CPS1: variants seen among roughly 807,000 people sequenced by gnomAD.
The protein encoded by CPS1 is carbamoyl-phosphate synthase [ammonia], mitochondrial.
A neutral mutation model predicts 174.6 loss-of-function variants in CPS1; 109 were observed. That is an observed-to-expected ratio of 0.62 (90% CI 0.53 to 0.73). The LOEUF is 0.73. CPS1 is among the 30% of genes least tolerant of loss of function. The probability of loss-of-function intolerance (pLI) is 0.00; values close to 1 mark genes in which losing one functional copy is unlikely to be tolerated. For synonymous variants in CPS1, 637 were observed against 632.0 expected, an observed-to-expected ratio of 1.01 and a Z score of -0.12; for missense variants, 1,689 against 1,821.9, an observed-to-expected ratio of 0.93 and a Z score of 1.33.
upstream of CPS1, among the ~76,000 whole-genome samples, chr2:210,554,985 C>T (rs1199732928): frequency 2.6e-5 from 4 of 151,820 alleles, no homozygotes; most frequent in East Asian, 5.8e-4. Context: ...TTTCATTCTC[C>T]TCCAATTCAT....
rs149875012 is a variant in CPS1, at chr2:210,590,211, C to G, written c.817C>G (p.Pro273Ala). 9 of 1,612,680 alleles carry G rather than the reference C, an allele frequency of 5.6e-6. No homozygotes were observed. The African/African-American group carries it at 9.4e-5, about 17-fold the overall frequency. Residue 273 changes from proline (P) to alanine (A), a missense_variant, in exon 8 of 38, where the codon CCA (proline) becomes GCA (alanine). Coordinates refer to ENST00000233072, the MANE Select transcript of CPS1 (RefSeq NM_001875.5). ...ACCGGGGAACCCAGCTCTTGCAGAA[C>G]CACTAATTCAGAATGTCAGAAAGGT... is the stretch of plus-strand genomic sequence containing the variant. ...GGPGNPALAE[P>A]LIQNVRKILE... is the part of the protein sequence containing the mutation.
chr2:210,639,545 G>C (rs902627614), intron 23 of CPS1, among the ~76,000 whole-genome samples: 7 of 147,706 alleles, frequency 4.7e-5, no homozygotes, highest in Non-Finnish European at 7.4e-5. Context: ...CCGGGAAGCG[G>C]AGCTTGCAGT....
Position 210,647,970 on chromosome 2 carries a change from C to A in CPS1, c.3249C>A (p.Ile1083=), listed in dbSNP as rs751008875. 1.2e-6 allele frequency: 2 copies of A among 1,614,012 alleles called. No individual in the cohort carries two copies. Among genetic ancestry groups the A allele is most frequent in the South Asian group, 2.2e-5 (2 of 91,076 alleles). Residue 1083 remains isoleucine (I), a synonymous_variant, in exon 26 of 38, where the codon ATC becomes ATA. Coordinates refer to ENST00000233072, the MANE Select transcript of CPS1 (RefSeq NM_001875.5). ...TCATGGGCACAAGCCCCCTGCAGAT[C>A]GACAGGGCTGAGGATCGCTCCATCT... The part of the protein sequence containing the change: ...VKIMGTSPLQ[I]DRAEDRSIFS...
chr2:210,554,245 ATATACACACACATATATATATG>A (rs1559073576), upstream of CPS1, among the ~76,000 whole-genome samples: 3 of 148,376 alleles, frequency 2.0e-5, no homozygotes, highest in Non-Finnish European at 4.5e-5. Flanking sequence ...GTATGTATAT[ATATACACACACATATATATATG>A]TATGTATATA....
chr2:210,573,749 C>T (rs140133117), intron 2 of CPS1, among the ~76,000 whole-genome samples: 2,427 of 152,010 alleles, frequency 0.016, 52 homozygotes, highest in African/African-American at 0.055. Flanking sequence ...AGGTGAAAAT[C>T]GGAGCAAGGA....
chr2:210,577,022 A>G, intron 3 of CPS1: 2 of 283,390 alleles, frequency 7.1e-6, no homozygotes, highest in Non-Finnish European at 1.4e-5. Flanking sequence ...AATGACTTCA[A>G]CTGATCATTT....
At chr2:210,658,953 A>G (rs1559132062) in intron 31 of CPS1, among the ~76,000 whole-genome samples, 2 of 152,198 alleles carry the variant, frequency 1.3e-5, no homozygotes, top group South Asian at 4.1e-4. Flanking sequence ...CACCTACAGT[A>G]TAGTATAGAT....
intron 10 of CPS1, 123 bp from the exon 11 acceptor site, chr2:210,592,756 A>G: frequency 1.1e-6 from 1 of 897,730 alleles, no homozygotes; most frequent in Non-Finnish European, 1.9e-6. Context: ...TTAGTTACAA[A>G]AATTTTGTTA....
intron 6 of CPS1, among the ~76,000 whole-genome samples, chr2:210,584,211 T>C (rs1351574246): frequency 6.6e-6 from 1 of 152,102 alleles, no homozygotes; most frequent in Non-Finnish European, 1.5e-5. Context: ...TTGGTTACCA[T>C]GGGGCTTTAC....
At chr2:210,587,511 C>T (rs959423128) in intron 6 of CPS1, among the ~76,000 whole-genome samples, 9 of 152,024 alleles carry the variant, frequency 5.9e-5, no homozygotes, top group Admixed American at 1.3e-4. Context: ...AACAATTGCA[C>T]GGCAACCTAA....
Position 210,640,056 on chromosome 2 carries a change from A to G in CPS1, c.2956A>G (p.Ile986Val). The G allele has an allele frequency of 6.3e-7, 1 of 1,588,992 alleles. No individual in the cohort carries two copies. The highest frequency in any genetic ancestry group is 8.6e-7 in the Non-Finnish European group (1 of 1,157,914). Residue 986 changes from isoleucine to valine, a missense_variant, in exon 24 of 38, where the codon ATT (isoleucine) becomes GTT (valine). By Grantham distance (29) the Ile-to-Val change is conservative. Coordinates refer to ENST00000233072, the MANE Select transcript of CPS1 (RefSeq NM_001875.5). ...MMVLGCGPYHIGSSVEFDWCA... is the reference protein window; with the variant it reads ...MMVLGCGPYHVGSSVEFDWCA... ...GGTGCTAGGCTGTGGTCCATATCAC[A>G]TTGGTAAAATAATAAATTATGTGTA...
At chr2:210,534,901 C>T (rs753185260) in intron 1 of CPS1, among the ~76,000 whole-genome samples, 2 of 152,104 alleles carry the variant, frequency 1.3e-5, no homozygotes, top group Non-Finnish European at 2.9e-5. Flanking sequence ...TTCCTTGGGT[C>T]TTCTTTGGTC....
At chr2:210,538,765 T>C (rs539173228) in intron 1 of CPS1, among the ~76,000 whole-genome samples, 1 of 152,278 alleles carries the variant, frequency 6.6e-6, no homozygotes. Context: ...ATCATACTTT[T>C]AGATGACCAA....
At chr2:210,575,774 T>G (rs1697677776) in intron 2 of CPS1, among the ~76,000 whole-genome samples, 1 of 147,214 alleles carries the variant, frequency 6.8e-6, no homozygotes, top group Non-Finnish European at 1.5e-5. Context: ...CTTTATTGAG[T>G]TATTCTTTCA....
chr2:210,542,446 A>G (rs1280066718), intron 1 of CPS1, among the ~76,000 whole-genome samples: 2 of 152,148 alleles, frequency 1.3e-5, no homozygotes, highest in South Asian at 4.1e-4. Context: ...ATCAAGGGTT[A>G]TGCTCCCATT....
intron 30 of CPS1, chr2:210,658,179 C>A: frequency 4.4e-6 from 1 of 229,558 alleles, no homozygotes. Flanking sequence ...AGAAATCTCT[C>A]TGGTTTCTTT....
chr2:210,667,410 T>A (rs1701137174), intron 33 of CPS1, among the ~76,000 whole-genome samples: 1 of 152,200 alleles, frequency 6.6e-6, no homozygotes, highest in Non-Finnish European at 1.5e-5. Context: ...TTGACTCCTA[T>A]CAGGTTCAAA....
intron 4 of CPS1, among the ~76,000 whole-genome samples, chr2:210,578,336 C>T (rs1247861471): frequency 2.6e-5 from 4 of 152,132 alleles, no homozygotes; most frequent in Non-Finnish European, 5.9e-5. Context: ...TCTCAAACTC[C>T]TGACTTCATG....
chr2:210,579,145 T>G (rs796302870), intron 4 of CPS1, among the ~76,000 whole-genome samples: 1 of 152,198 alleles, frequency 6.6e-6, no homozygotes, highest in East Asian at 1.9e-4. Flanking sequence ...CTTATTTTAG[T>G]AAAAAGCCTC....
Sources: gnomAD v4.1 joint callset for allele counts (sites outside exome capture counted in the v4.1 genomes callset) on GRCh38, gnomAD v4.1.1 for gene constraint, MANE v1.5 for transcripts, NCBI Gene and HGNC (gene_info 2026-07-23, HGNC 2026-07-21) for gene names.